The following MDGA2 variants were observed in gnomAD, a reference collection of about 807,000 sequenced individuals.
MDGA2 encodes MAM domain containing glycosylphosphatidylinositol anchor 2.
In MDGA2, 40 loss-of-function variants were observed where a neutral mutation model predicts 117.8. That is an observed-to-expected ratio of 0.34 (90% CI 0.26 to 0.44). The LOEUF is 0.44. MDGA2 is among the 20% of genes least tolerant of loss of function. The pLI, the probability that MDGA2 is intolerant of heterozygous loss-of-function variation, is 1.00. For missense variants in MDGA2, 1,123 were observed against 1,250.6 expected, an observed-to-expected ratio of 0.90 and a Z score of 1.54; for synonymous variants, 452 against 439.0, an observed-to-expected ratio of 1.03 and a Z score of -0.37.
At chr14:47,127,799 A>T (rs1055646975) in intron 5 of MDGA2, among the ~76,000 whole-genome samples, 17 of 148,920 alleles carry the variant, frequency 1.1e-4, no homozygotes, top group Admixed American at 2.7e-4. Context: ...TCTAAGCCAA[A>T]TTTTTTTTTT....
intron 1 of MDGA2, among the ~76,000 whole-genome samples, chr14:47,511,185 C>A (rs1894632887): frequency 6.6e-6 from 1 of 152,028 alleles, no homozygotes; most frequent in African/African-American, 2.4e-5. Context: ...GTAAACAAAC[C>A]TTACTATAAT....
Position 47,382,483 on chromosome 14 carries a change from A to G in MDGA2, c.281-80933T>C, listed in dbSNP as rs188308029. On this transcript the variant is annotated intron_variant, in intron 1 of 16. Transcript: ENST00000399232. Reference sequence around the variant, plus strand: ...GACAAAGGGCTAATATCCAGAATCTACAAATGACTTAAACAAATTCATAAG... The same window carrying G: ...GACAAAGGGCTAATATCCAGAATCTGCAAATGACTTAAACAAATTCATAAG... Among the ~76,000 whole-genome samples the G allele has an allele frequency of 2.0e-5, 3 of 152,374 alleles. No homozygotes were observed. In the East Asian group the frequency reaches 5.8e-4, roughly 29 times the overall value.
At chr14:47,023,935 A>G (rs1054321142) in intron 8 of MDGA2, among the ~76,000 whole-genome samples, 2 of 152,192 alleles carry the variant, frequency 1.3e-5, no homozygotes, top group African/African-American at 4.8e-5. Flanking sequence ...ATATACAGAG[A>G]AGAAGAATAA....
At chr14:47,338,415 T>C (rs1216841625) in intron 1 of MDGA2, among the ~76,000 whole-genome samples, 2 of 150,946 alleles carry the variant, frequency 1.3e-5, no homozygotes, top group African/African-American at 2.4e-5. Context: ...TCATGGGCTA[T>C]AATGTCCTCA....
At chr14:47,544,432 T>C (rs2138762958) in intron 1 of MDGA2, among the ~76,000 whole-genome samples, 1 of 152,306 alleles carries the variant, frequency 6.6e-6, no homozygotes, top group East Asian at 1.9e-4. Flanking sequence ...AATTGTTGCC[T>C]CTTCAAATCC....
rs555544437 is a variant in MDGA2, at chr14:47,354,848, G to C, written c.281-53298C>G. The stretch of plus-strand genomic sequence containing the variant: ...AACAAACAGTGAAATTAACTGTGAA[G>C]ATAATTTTTTTTTTCCAAAAAGATG... On this transcript the variant is annotated intron_variant, in intron 1 of 16. Transcript: ENST00000399232. Among the ~76,000 whole-genome samples, 57 of 151,844 alleles carry C rather than the reference G, an allele frequency of 3.8e-4. 1 individual carries two copies. In the South Asian group the frequency reaches 0.011, roughly 30 times the overall value.
At position 47,273,685 on chromosome 14, in the gene MDGA2, A is replaced by G. The variant is rs188453331; in HGVS notation, c.420+27726T>C. On this transcript the variant is annotated intron_variant, in intron 2 of 16. Coordinates refer to ENST00000399232, the MANE Select transcript of MDGA2 (RefSeq NM_001113498.3). ...AATTTATATTTATTTTCAAACATTT[A>G]GAGAGAGATTTTTCCTGTCCATAAA... Among the ~76,000 whole-genome samples the G allele has an allele frequency of 1.7e-3, 266 of 152,256 alleles. 1 individual carries two copies. The highest frequency in any genetic ancestry group is 2.4e-3 in the Non-Finnish European group (165 of 68,008).
intron 1 of MDGA2, among the ~76,000 whole-genome samples, chr14:47,532,834 T>A (rs1895127394): frequency 6.6e-6 from 1 of 152,200 alleles, no homozygotes; most frequent in African/African-American, 2.4e-5. Flanking sequence ...AATTCTAGGT[T>A]TTATCCAGTG....
chr14:47,122,374 G>C (rs1881697758), intron 5 of MDGA2, among the ~76,000 whole-genome samples: 1 of 152,000 alleles, frequency 6.6e-6, no homozygotes, highest in Non-Finnish European at 1.5e-5. Context: ...AGGTAGGCTG[G>C]ATAGTGGATT....
chr14:47,615,041 G>C (rs905130816), intron 1 of MDGA2, among the ~76,000 whole-genome samples: 1 of 150,936 alleles, frequency 6.6e-6, no homozygotes, highest in Non-Finnish European at 1.5e-5. Context: ...TTTTTTTCTC[G>C]GGTAGAATTC....
At chr14:47,545,567 A>G (rs755143669) in intron 1 of MDGA2, among the ~76,000 whole-genome samples, 4 of 152,192 alleles carry the variant, frequency 2.6e-5, no homozygotes, top group Non-Finnish European at 5.9e-5. Context: ...AAGGAAAACT[A>G]TGCAGGGTTC....
Position 46,957,596 on chromosome 14 carries a change from C to T in MDGA2, c.1867G>A (p.Asp623Asn), listed in dbSNP as rs202092009. Residue 623 changes from aspartate (D) to asparagine (N), a missense_variant, in exon 9 of 17, where the codon GAT (aspartate) becomes AAT (asparagine). By Grantham distance (23) the Asp-to-Asn change is conservative (BLOSUM62 1). Transcript: ENST00000399232. ...CTGCAACTCATAGTGACACTTCGAT[C>T]CTGTCCTTGCCGGATTTCCAAGAAT... ...PAFLEIRQGQ[D>N]RSVTMSCRVL... The T allele has an allele frequency of 1.3e-4, 216 of 1,614,030 alleles. 1 individual carries two copies. Among genetic ancestry groups the T allele is most frequent in the Non-Finnish European group, 1.6e-4 (185 of 1,180,012 alleles).
At chr14:46,856,340 C>A (rs1483756479) in intron 14 of MDGA2, among the ~76,000 whole-genome samples, 1 of 151,892 alleles carries the variant, frequency 6.6e-6, no homozygotes, top group Non-Finnish European at 1.5e-5. Flanking sequence ...CTAATGTCTA[C>A]TATAATGTTA....
At chr14:46,973,703 A>C (rs1886351183) in intron 8 of MDGA2, among the ~76,000 whole-genome samples, 1 of 152,180 alleles carries the variant, frequency 6.6e-6, no homozygotes, top group Admixed American at 6.6e-5. Flanking sequence ...CAATGAAACA[A>C]ACCCCAATCT....
At chr14:47,464,642 A>C (rs1359370328) in intron 1 of MDGA2, among the ~76,000 whole-genome samples, 6 of 152,156 alleles carry the variant, frequency 3.9e-5, no homozygotes, top group Admixed American at 1.3e-4. Context: ...AAAGATCTCC[A>C]CAATGAGAAT....
At chr14:47,415,465 T>G (rs1285334241) in intron 1 of MDGA2, among the ~76,000 whole-genome samples, 3 of 152,178 alleles carry the variant, frequency 2.0e-5, no homozygotes. Context: ...GAGGGAGAGA[T>G]CACATTCATG....
chr14:47,172,458 C>A (rs933419076), intron 3 of MDGA2, among the ~76,000 whole-genome samples: 4 of 151,992 alleles, frequency 2.6e-5, no homozygotes, highest in East Asian at 2.0e-4. Context: ...AAACTTCCAG[C>A]GGAACGATCA....
At position 46,939,768 on chromosome 14, in the gene MDGA2, AG is replaced by A. The variant is rs1884927598; in HGVS notation, c.2089+17605del. Among the ~76,000 whole-genome samples, 7 of 152,314 alleles carry A rather than the reference AG, an allele frequency of 4.6e-5. No individual in the cohort carries two copies. In the South Asian group the frequency reaches 1.5e-3, roughly 32 times the overall value. ...TTTGTCCTTTCACAGACTAAAGTGA[AG>A]ATTAGAGATCTTAAGCCACTTTCCC... On this transcript the variant is annotated intron_variant, in intron 9 of 16. Coordinates refer to ENST00000399232, the MANE Select transcript of MDGA2 (RefSeq NM_001113498.3).
At chr14:46,922,601 C>A (rs1479209372) in intron 9 of MDGA2, among the ~76,000 whole-genome samples, 1 of 152,144 alleles carries the variant, frequency 6.6e-6, no homozygotes, top group Admixed American at 6.5e-5. Context: ...ATGAATTCAT[C>A]TCTAAGGTGG....
Sources: gnomAD v4.1 joint callset for allele counts (sites outside exome capture counted in the v4.1 genomes callset) on GRCh38, gnomAD v4.1.1 for gene constraint, MANE v1.5 for transcripts, NCBI Gene and HGNC (gene_info 2026-07-23, HGNC 2026-07-21) for gene names.